The following AGBL1 variants were observed in gnomAD, a reference collection of about 807,000 sequenced individuals.
AGBL1 encodes AGBL carboxypeptidase 1.
A neutral mutation model predicts 118.9 loss-of-function variants in AGBL1; 130 were observed. The ratio of observed to expected loss-of-function variants is 1.09; its 90% CI spans 0.95 to 1.26. The LOEUF (loss-of-function observed/expected upper bound fraction) is 1.26. AGBL1 is among the 50% of genes most tolerant of loss of function. AGBL1 has a pLI of 0.00. For missense variants in AGBL1, 1,584 were observed against 1,298.1 expected, an observed-to-expected ratio of 1.22 and a Z score of -3.38; for synonymous variants, 555 against 478.9, an observed-to-expected ratio of 1.16 and a Z score of -2.08.
intron 23 of AGBL1, among the ~76,000 whole-genome samples, chr15:86,976,083 A>G (rs2081173899): frequency 6.6e-6 from 1 of 151,994 alleles, no homozygotes; most frequent in African/African-American, 2.4e-5. Context: ...AAAGTTTTAA[A>G]ATTATAAAAG....
At chr15:86,346,312 T>C (rs1330978552) in intron 17 of AGBL1, among the ~76,000 whole-genome samples, 1 of 151,374 alleles carries the variant, frequency 6.6e-6, no homozygotes, top group Non-Finnish European at 1.5e-5. Context: ...AGTACTTAGT[T>C]GATATAGGAT....
At chr15:86,139,142 G>C (rs2076927879) in intron 1 of AGBL1, among the ~76,000 whole-genome samples, 1 of 152,134 alleles carries the variant, frequency 6.6e-6, no homozygotes, top group African/African-American at 2.4e-5. Context: ...TGTGATGACA[G>C]GCATTAGCAA....
intron 22 of AGBL1, among the ~76,000 whole-genome samples, chr15:86,869,033 A>G (rs1210003193): frequency 6.6e-6 from 1 of 152,174 alleles, no homozygotes; most frequent in Admixed American, 6.5e-5. Context: ...TTTTGAAAGA[A>G]TTTTTAGGGC....
At chr15:86,842,217 T>TAA (rs35047574) in intron 22 of AGBL1, among the ~76,000 whole-genome samples, 9 of 145,532 alleles carry the variant, frequency 6.2e-5, no homozygotes, top group East Asian at 6.0e-4. Flanking sequence ...CCATCGATAT[T>TAA]AAAAAAAAAA....
At chr15:86,455,693 T>C (rs1325588051) in intron 18 of AGBL1, among the ~76,000 whole-genome samples, 1 of 152,178 alleles carries the variant, frequency 6.6e-6, no homozygotes, top group Non-Finnish European at 1.5e-5. Context: ...CTAAGTGCTG[T>C]GTAGTCTATA....
chr15:86,999,251 AG>A (rs1343564134), intron 24 of AGBL1, among the ~76,000 whole-genome samples: 8 of 151,560 alleles, frequency 5.3e-5, no homozygotes. Flanking sequence ...TTTAAGTTTT[AG>A]GGTACATGTG....
chr15:86,658,843 A>G (rs1220691850), intron 21 of AGBL1, among the ~76,000 whole-genome samples: 1 of 152,214 alleles, frequency 6.6e-6, no homozygotes, highest in African/African-American at 2.4e-5. Context: ...TAAGGAGAGC[A>G]ATCCTCCATG....
intron 23 of AGBL1, among the ~76,000 whole-genome samples, chr15:86,942,533 A>C (rs554200762): frequency 6.6e-6 from 1 of 152,320 alleles, no homozygotes; most frequent in South Asian, 2.1e-4. Flanking sequence ...GGAACCAGCA[A>C]CCACACCTAG....
intron 22 of AGBL1, among the ~76,000 whole-genome samples, chr15:86,855,751 C>T (rs935320757): frequency 6.6e-6 from 1 of 152,208 alleles, no homozygotes; most frequent in Non-Finnish European, 1.5e-5. Flanking sequence ...CCTGTGCTCG[C>T]AGTCTGTGTT....
rs1460820444 is a variant in AGBL1 at position 86,735,653 on chromosome 15, G to GATATATATATATATATATAT, written c.3158+61218_3158+61219insTATATATATATATATATATA. Among the ~76,000 whole-genome samples the GATATATATATATATATATAT allele has an allele frequency of 3.8e-3, 550 of 142,968 alleles. 9 individuals carry two copies. In the East Asian group the frequency reaches 0.04, roughly 10 times the overall value. 93.8% of individuals were successfully genotyped at this position (142,968 alleles called of 152,430 possible). The stretch of plus-strand genomic sequence containing the variant: ...GTGTGTGTATTTCCTGCTACAAAGA[G>GATATATATATATATATATAT]AGATATATATATATATTTTATTTGT... On this transcript the variant is annotated intron_variant, in intron 22 of 22. Coordinates refer to ENST00000614907, the MANE Select transcript of AGBL1 (RefSeq NM_001386094.1).
intron 22 of AGBL1, among the ~76,000 whole-genome samples, chr15:86,784,632 G>A (rs2078380988): frequency 6.6e-6 from 1 of 152,124 alleles, no homozygotes; most frequent in Non-Finnish European, 1.5e-5. Flanking sequence ...GCTTGATAAA[G>A]CTTACTTTTC....
intron 1 of AGBL1, among the ~76,000 whole-genome samples, chr15:86,109,099 T>G (rs941651309): frequency 1.3e-5 from 2 of 152,194 alleles, no homozygotes; most frequent in African/African-American, 4.8e-5. Context: ...AAGTATAAAA[T>G]GAAAGGAGTT....
At chr15:86,168,552 T>A (rs1334225880) in intron 5 of AGBL1, among the ~76,000 whole-genome samples, 1 of 152,206 alleles carries the variant, frequency 6.6e-6, no homozygotes, top group Non-Finnish European at 1.5e-5. Context: ...ATTGGAAATA[T>A]TATAACCTGA....
intron 22 of AGBL1, among the ~76,000 whole-genome samples, chr15:86,750,197 AATT>A (rs1222582704): frequency 6.6e-6 from 1 of 152,038 alleles, no homozygotes; most frequent in African/African-American, 2.4e-5. Flanking sequence ...ATATATATGT[AATT>A]ATTATTAATA....
intron 23 of AGBL1, among the ~76,000 whole-genome samples, chr15:86,984,360 TCTC>T (rs1483464937): frequency 4.4e-5 from 1 of 22,890 alleles, no homozygotes; most frequent in Non-Finnish European, 1.9e-4. Flanking sequence ...CATTTTTTTC[TCTC>T]TTTTTTTTTT....
At chr15:86,993,290 T>C (rs1268659249) in intron 24 of AGBL1, among the ~76,000 whole-genome samples, 1 of 152,204 alleles carries the variant, frequency 6.6e-6, no homozygotes, top group Non-Finnish European at 1.5e-5. Context: ...GTACATCAAC[T>C]CTTGTTTTCT....
intron 21 of AGBL1, among the ~76,000 whole-genome samples, chr15:86,635,989 A>T (rs1400695462): frequency 1.3e-5 from 2 of 152,116 alleles, no homozygotes; most frequent in Non-Finnish European, 2.9e-5. Context: ...TGATTTAATG[A>T]CACATTGGAT....
At chr15:86,957,396 A>G (rs1360618655) in intron 23 of AGBL1, among the ~76,000 whole-genome samples, 1 of 152,072 alleles carries the variant, frequency 6.6e-6, no homozygotes, top group Non-Finnish European at 1.5e-5. Flanking sequence ...AAAAGTTAAA[A>G]TCTTCTCGTT....
chr15:86,695,503 G>A (rs1002870094), intron 22 of AGBL1, among the ~76,000 whole-genome samples: 2 of 151,818 alleles, frequency 1.3e-5, no homozygotes, highest in African/African-American at 2.4e-5. Context: ...GGTTGATCTT[G>A]CTAATGGTCT....
Sources: gnomAD v4.1 joint callset for allele counts (sites outside exome capture counted in the v4.1 genomes callset) on GRCh38, gnomAD v4.1.1 for gene constraint, MANE v1.5 for transcripts, NCBI Gene and HGNC (gene_info 2026-07-23, HGNC 2026-07-21) for gene names.